The following FRY variants were observed in gnomAD, a reference collection of about 807,000 sequenced individuals.
FRY encodes protein furry homolog.
Under a neutral mutation model 348.4 loss-of-function variants are expected in FRY, and 128 were observed. The observed-to-expected ratio is 0.37, with a 90% confidence interval of 0.32 to 0.43. The LOEUF (loss-of-function observed/expected upper bound fraction) is 0.43. FRY is among the 20% of genes least tolerant of loss of function. FRY has a pLI of 1.00. For missense variants in FRY, 2,736 were observed against 3,695.2 expected (o/e 0.74, Z 6.73); for synonymous variants, 1,370 against 1,374.7 (o/e 1.00, Z 0.08).
intron 55 of FRY, among the ~76,000 whole-genome samples, chr13:32,271,844 A>T (rs962668453): frequency 1.3e-5 from 2 of 152,196 alleles, no homozygotes; most frequent in Admixed American, 1.3e-4. Context: ...CAGAGAGCAA[A>T]GTGGTTGTGG....
rs778055957 is a variant in FRY at position 32,086,060 on chromosome 13, C to G, written c.270+7027C>G. 1.4e-5 allele frequency: 7 copies of G among 501,106 alleles called. No homozygotes were observed. The East Asian group carries it at 3.9e-4, about 28-fold the overall frequency. 31.0% of individuals were successfully genotyped at this position (501,106 alleles called of 1,614,324 possible). Reference sequence around the variant, plus strand: ...TAAAACCAGAGATTTGAGGTAAGTCCGCCTCTGAGGGTTTTCAAAGGCTTT... The same window carrying G: ...TAAAACCAGAGATTTGAGGTAAGTCGGCCTCTGAGGGTTTTCAAAGGCTTT... On this transcript the variant is annotated intron_variant, in intron 2 of 60. Coordinates refer to ENST00000542859, the MANE Select transcript of FRY (RefSeq NM_023037.3).
chr13:32,163,254 T>C (rs1256020851), intron 17 of FRY, among the ~76,000 whole-genome samples: 1 of 152,182 alleles, frequency 6.6e-6, no homozygotes, highest in Non-Finnish European at 1.5e-5. Context: ...CTCATGACTG[T>C]CTGGACAAAG....
In FRY at chr13:32,209,006, G is replaced by T; in HGVS notation, c.4172G>T (p.Arg1391Leu). 6.2e-7 allele frequency: 1 copy of T among 1,614,156 alleles called. No individual in the cohort carries two copies. Among genetic ancestry groups the T allele is most frequent in the Non-Finnish European group, 8.5e-7 (1 of 1,180,026 alleles). ...PSSPEDEVKD[R>L]EGDVTASHGL... ...AGCCCAGAGGACGAAGTCAAGGACC[G>T]GGAAGGTGACGTGACTGCTTCTCAC... Residue 1391 changes from arginine to leucine, a missense_variant, in exon 32 of 61, where the codon CGG (arginine) becomes CTG (leucine). Physicochemically the swap from Arg to Leu is moderately radical, Grantham distance 102. Transcript: ENST00000542859.
At chr13:32,185,183 G>A (rs1231569544) in intron 26 of FRY, 35 bp downstream of exon 26, 1 of 1,588,844 alleles carries the variant, frequency 6.3e-7, no homozygotes, top group Non-Finnish European at 8.6e-7. Flanking sequence ...TACCATTCAT[G>A]CTTGGAAGCC....
chr13:32,137,100 G>A (rs190805965), intron 11 of FRY, 128 bp downstream of exon 11: 3 of 683,130 alleles, frequency 4.4e-6, no homozygotes, highest in Admixed American at 2.2e-5. Context: ...GTGGAATAAT[G>A]AAAAAATATT....
chr13:32,253,299 C>T (rs1056165485), intron 50 of FRY, among the ~76,000 whole-genome samples: 3 of 152,188 alleles, frequency 2.0e-5, no homozygotes, highest in African/African-American at 7.2e-5. Context: ...GCATCATATA[C>T]TATTCTTAAA....
chr13:32,226,387 A>G (rs1885585138), intron 39 of FRY, among the ~76,000 whole-genome samples: 1 of 152,190 alleles, frequency 6.6e-6, no homozygotes, highest in Non-Finnish European at 1.5e-5. Context: ...TCTAGTGCCC[A>G]TGAAGGAATT....
intron 31 of FRY, among the ~76,000 whole-genome samples, chr13:32,204,667 C>A (rs1232131492): frequency 6.6e-6 from 1 of 152,192 alleles, no homozygotes; most frequent in African/African-American, 2.4e-5. Context: ...ACTGTGCAGA[C>A]CTCTCCATAT....
At chr13:32,258,609 TC>T in intron 51 of FRY, among the ~76,000 whole-genome samples, 1 of 64,380 alleles carries the variant, frequency 1.6e-5, no homozygotes, top group Non-Finnish European at 5.0e-5. Context: ...CAAGACTCTG[TC>T]TCAAAAAAAA....
chr13:32,133,477 T>C (rs1351078518), intron 8 of FRY, among the ~76,000 whole-genome samples: 1 of 152,168 alleles, frequency 6.6e-6, no homozygotes, highest in African/African-American at 2.4e-5. Context: ...ATACATGAAT[T>C]AAGACTTGAG....
rs1481558864 is a variant in FRY, at chr13:32,254,306, A to G, written c.7328A>G (p.Gln2443Arg). The change falls in exon 51 of 61, where the codon CAG becomes CGG. Residue 2443 changes from glutamine (Q) to arginine (R), a missense_variant. Physicochemically the swap from Gln to Arg is conservative, Grantham distance 43. Transcript: ENST00000542859. ...TCTTCTGAGGACGGTGCCCGAGAGCAGGAGAACATGGATGACACAAACAGC... is the reference window on the plus strand; with the variant it reads ...TCTTCTGAGGACGGTGCCCGAGAGCGGGAGAACATGGATGACACAAACAGC... ...LVSSEDGAREQENMDDTNSEQ... is the reference protein window; with the variant it reads ...LVSSEDGARERENMDDTNSEQ... 6.2e-7 allele frequency: 1 copy of G among 1,614,130 alleles called. No homozygotes were observed. Among genetic ancestry groups the G allele is most frequent in the Non-Finnish European group, 8.5e-7 (1 of 1,179,990 alleles).
intron 16 of FRY, among the ~76,000 whole-genome samples, chr13:32,159,679 G>A (rs1009869053): frequency 3.9e-5 from 6 of 152,070 alleles, no homozygotes; most frequent in African/African-American, 1.2e-4. Flanking sequence ...GGCAGAGTTC[G>A]CCCTTACACT....
chr13:32,255,914 A>C (rs1019612608), intron 51 of FRY, among the ~76,000 whole-genome samples: 2 of 152,214 alleles, frequency 1.3e-5, no homozygotes, highest in African/African-American at 4.8e-5. Flanking sequence ...GAAGTTATAC[A>C]AGGGAGGGAA....
At chr13:32,255,702 T>A (rs1421524196) in intron 51 of FRY, among the ~76,000 whole-genome samples, 4 of 152,150 alleles carry the variant, frequency 2.6e-5, no homozygotes, top group Admixed American at 2.0e-4. Context: ...CCATAATAAA[T>A]GATAGAGAAA....
intron 30 of FRY, 61 bp from the exon 31 acceptor site, chr13:32,202,295 C>A: frequency 7.9e-7 from 1 of 1,261,318 alleles, no homozygotes; most frequent in Non-Finnish European, 1.2e-6. Context: ...AATACAAATG[C>A]TCATGAGATA....
intron 1 of FRY, among the ~76,000 whole-genome samples, chr13:32,045,989 A>C (rs1334177586): frequency 2.0e-5 from 3 of 152,114 alleles, no homozygotes; most frequent in Non-Finnish European, 4.4e-5. Flanking sequence ...AAGTGTACAC[A>C]CTCCAGTGAT....
intron 11 of FRY, among the ~76,000 whole-genome samples, chr13:32,146,783 A>G (rs1034427810): frequency 3.9e-5 from 6 of 152,196 alleles, no homozygotes; most frequent in African/African-American, 1.2e-4. Flanking sequence ...CTTAAGGGAA[A>G]GGATTATCTT....
At chr13:32,036,474 G>GT (rs61293477) in intron 1 of FRY, among the ~76,000 whole-genome samples, 3,635 of 148,882 alleles carry the variant, frequency 0.024, 144 homozygotes, top group African/African-American at 0.083. Context: ...AAATCAGAGG[G>GT]TTTTTTTTTT....
intron 39 of FRY, among the ~76,000 whole-genome samples, chr13:32,228,036 C>T (rs1423631779): frequency 2.0e-5 from 3 of 152,218 alleles, no homozygotes; most frequent in Non-Finnish European, 4.4e-5. Context: ...AGGCGTGAGC[C>T]ACCGCGCCCA....
Sources: gnomAD v4.1 joint callset for allele counts (sites outside exome capture counted in the v4.1 genomes callset) on GRCh38, gnomAD v4.1.1 for gene constraint, MANE v1.5 for transcripts, NCBI Gene and HGNC (gene_info 2026-07-23, HGNC 2026-07-21) for gene names.